MAP7: variants seen among roughly 807,000 people sequenced by gnomAD.
MAP7 encodes the protein microtubule associated protein 7.
A neutral mutation model predicts 94.8 loss-of-function variants in MAP7; 52 were observed. The ratio of observed to expected loss-of-function variants is 0.55; its 90% CI spans 0.44 to 0.69. The LOEUF (loss-of-function observed/expected upper bound fraction) is 0.69, where lower values mean the gene tolerates loss of function less well. Among genes scored for constraint, MAP7 ranks in the 30% least tolerant of loss-of-function variants. The pLI is 0.00. For synonymous variants in MAP7, 350 were observed against 357.0 expected, an observed-to-expected ratio of 0.98 and a Z score of 0.22; for missense variants, 940 against 964.6, an observed-to-expected ratio of 0.97 and a Z score of 0.34.
chr6:136,480,162 CA>C (rs1451264169), intron 1 of MAP7, among the ~76,000 whole-genome samples: 6 of 152,060 alleles, frequency 3.9e-5, no homozygotes, highest in Admixed American at 3.9e-4. Context: ...AACAATGGAA[CA>C]GAATAGATAA....
chr6:136,394,615 T>C (rs1337017067), intron 3 of MAP7, among the ~76,000 whole-genome samples: 2 of 152,008 alleles, frequency 1.3e-5, no homozygotes, highest in Non-Finnish European at 2.9e-5. Flanking sequence ...ATCATATATG[T>C]AATAAATTAT....
At chr6:136,491,164 T>C (rs1816473509) in intron 1 of MAP7, among the ~76,000 whole-genome samples, 2 of 152,228 alleles carry the variant, frequency 1.3e-5, no homozygotes, top group Non-Finnish European at 2.9e-5. Context: ...GTAGCATTTT[T>C]TTAATTAAAA....
At chr6:136,452,223 A>C (rs1438469224) in intron 1 of MAP7, among the ~76,000 whole-genome samples, 1 of 152,064 alleles carries the variant, frequency 6.6e-6, no homozygotes, top group Non-Finnish European at 1.5e-5. Flanking sequence ...AAAACAAAAC[A>C]AAACAAAACA....
At chr6:136,434,262 G>T (rs192595515) in intron 1 of MAP7, among the ~76,000 whole-genome samples, 1 of 142,240 alleles carries the variant, frequency 7.0e-6, no homozygotes, top group African/African-American at 2.7e-5. Flanking sequence ...AGACAAGATC[G>T]CACCACTGCA....
intron 6 of MAP7, 26 bp downstream of exon 6, chr6:136,383,645 C>G (rs370867195): frequency 2.0e-5 from 26 of 1,302,654 alleles, no homozygotes; most frequent in Non-Finnish European, 2.8e-5. Context: ...ATAACAGACA[C>G]TTTTTTGTTT....
intron 1 of MAP7, among the ~76,000 whole-genome samples, chr6:136,511,018 C>T (rs1823110614): frequency 1.3e-5 from 2 of 152,238 alleles, no homozygotes; most frequent in South Asian, 4.1e-4. Context: ...CATAAACCCA[C>T]ACAGCTGGCT....
At chr6:136,523,979 G>A (rs1294474026) in intron 1 of MAP7, among the ~76,000 whole-genome samples, 18 of 152,110 alleles carry the variant, frequency 1.2e-4, no homozygotes, top group East Asian at 1.9e-4. Flanking sequence ...AGTGACTCAC[G>A]TCTGTAATCC....
intron 1 of MAP7, among the ~76,000 whole-genome samples, chr6:136,514,696 T>C (rs1206730627): frequency 6.6e-6 from 1 of 152,194 alleles, no homozygotes; most frequent in Non-Finnish European, 1.5e-5. Flanking sequence ...GAAAACTTTT[T>C]TTCTGAGCAG....
chr6:136,535,006 A>C (rs1229379210), intron 1 of MAP7, among the ~76,000 whole-genome samples: 1 of 152,208 alleles, frequency 6.6e-6, no homozygotes, highest in Non-Finnish European at 1.5e-5. Context: ...TTGAGGCATT[A>C]AACTTTATTT....
At chr6:136,420,183 C>G (rs371784795) in intron 2 of MAP7, 32 of 989,908 alleles carry the variant, frequency 3.2e-5, no homozygotes, top group Admixed American at 5.1e-5. Context: ...GCAGTGGGCC[C>G]CCAGATGACT....
intron 2 of MAP7, among the ~76,000 whole-genome samples, chr6:136,416,111 G>A (rs1261393277): frequency 6.6e-6 from 1 of 152,212 alleles, no homozygotes; most frequent in Admixed American, 6.5e-5. Flanking sequence ...ACAGAGACTT[G>A]TCTGTTTTCT....
chr6:136,410,849 A>G (rs1157784152), intron 3 of MAP7, among the ~76,000 whole-genome samples: 1 of 152,208 alleles, frequency 6.6e-6, no homozygotes, highest in Non-Finnish European at 1.5e-5. Flanking sequence ...TCCTGGGAAA[A>G]TTTTGATACC....
intron 16 of MAP7, among the ~76,000 whole-genome samples, chr6:136,352,154 T>G (rs962291412): frequency 6.6e-6 from 1 of 151,588 alleles, no homozygotes; most frequent in Admixed American, 6.6e-5. Flanking sequence ...GGTGCAACAC[T>G]AGGGTATGTG....
At chr6:136,443,093 T>A (rs1489351202) in intron 1 of MAP7, among the ~76,000 whole-genome samples, 3 of 152,180 alleles carry the variant, frequency 2.0e-5, no homozygotes, top group Non-Finnish European at 4.4e-5. Context: ...TGCTCCTTTA[T>A]TAACCCAGTA....
At chr6:136,434,033 A>G (rs986960091) in intron 1 of MAP7, among the ~76,000 whole-genome samples, 2 of 151,998 alleles carry the variant, frequency 1.3e-5, no homozygotes, top group African/African-American at 4.8e-5. Flanking sequence ...CTGGCTGGGC[A>G]CGGTGGCTCA....
intron 16 of MAP7, among the ~76,000 whole-genome samples, chr6:136,354,169 C>A: frequency 7.2e-6 from 1 of 139,760 alleles, no homozygotes; most frequent in Non-Finnish European, 1.5e-5. Context: ...AAATATGTAT[C>A]TACTATATAT....
chr6:136,545,885 A>G (rs1829700072), intron 1 of MAP7, among the ~76,000 whole-genome samples: 1 of 152,202 alleles, frequency 6.6e-6, no homozygotes, highest in South Asian at 2.1e-4. Context: ...CCATCCCCTC[A>G]AGCATTTATC....
chr6:136,475,038 T>A (rs1810413293), intron 1 of MAP7, among the ~76,000 whole-genome samples: 1 of 152,202 alleles, frequency 6.6e-6, no homozygotes, highest in African/African-American at 2.4e-5. Flanking sequence ...TTATAATTAC[T>A]TTCCATGACA....
At chr6:136,500,084 G>A (rs1031892775) in intron 1 of MAP7, among the ~76,000 whole-genome samples, 3 of 152,144 alleles carry the variant, frequency 2.0e-5, no homozygotes, top group African/African-American at 4.8e-5. Context: ...CTTCCTAGTT[G>A]TGTGATTCTG....
Sources: gnomAD v4.1 joint callset for allele counts (sites outside exome capture counted in the v4.1 genomes callset) on GRCh38, gnomAD v4.1.1 for gene constraint, MANE v1.5 for transcripts, NCBI Gene and HGNC (gene_info 2026-07-23, HGNC 2026-07-21) for gene names.